The following GABRB1 variants were observed in gnomAD, a reference collection of about 807,000 sequenced individuals.
The protein encoded by GABRB1 is gamma-aminobutyric acid type A receptor subunit beta1.
GABRB1 carries 17 observed loss-of-function variants against 51.6 expected under a neutral mutation model. That is an observed-to-expected ratio of 0.33 (90% CI 0.23 to 0.49). The LOEUF (loss-of-function observed/expected upper bound fraction) is 0.49. Among genes scored for constraint, GABRB1 ranks in the 20% least tolerant of loss-of-function variants. GABRB1 has a pLI of 0.99. For synonymous variants in GABRB1, 247 were observed against 218.9 expected, an observed-to-expected ratio of 1.13 and a Z score of -1.14; for missense variants, 410 against 600.6, an observed-to-expected ratio of 0.68 and a Z score of 3.32.
chr4:47,381,503 C>T (rs1220988343), intron 5 of GABRB1, among the ~76,000 whole-genome samples: 2 of 152,158 alleles, frequency 1.3e-5, no homozygotes, highest in African/African-American at 2.4e-5. Flanking sequence ...CTCGGAAAGC[C>T]TCCCTTAGTT....
chr4:47,172,520 T>C (rs1479971032), intron 4 of GABRB1, among the ~76,000 whole-genome samples: 1 of 151,958 alleles, frequency 6.6e-6, no homozygotes, highest in African/African-American at 2.4e-5. Flanking sequence ...GCTCACTAAG[T>C]AGAGCATGCT....
intron 1 of GABRB1, among the ~76,000 whole-genome samples, chr4:47,019,574 T>TCTCTCTCTCC (rs1560497981): frequency 1.3e-5 from 2 of 150,872 alleles, no homozygotes; most frequent in African/African-American, 4.9e-5. Context: ...TCTCTCTCTC[T>TCTCTCTCTCC]CTCCCTCCTT....
chr4:47,244,806 G>GACACAACAT (rs1438722417), intron 4 of GABRB1, among the ~76,000 whole-genome samples: 1 of 152,124 alleles, frequency 6.6e-6, no homozygotes, highest in East Asian at 1.9e-4. Context: ...TGAGAACAAG[G>GACACAACAT]ACACAACATA....
intron 4 of GABRB1, among the ~76,000 whole-genome samples, chr4:47,208,815 A>G (rs1182940137): frequency 6.6e-6 from 1 of 152,062 alleles, no homozygotes; most frequent in Non-Finnish European, 1.5e-5. Flanking sequence ...TTTCTACCCT[A>G]TAGTTGGGTC....
At chr4:47,164,241 A>C (rs1227509161) in intron 4 of GABRB1, among the ~76,000 whole-genome samples, 2 of 152,046 alleles carry the variant, frequency 1.3e-5, no homozygotes, top group Non-Finnish European at 2.9e-5. Context: ...TATATCACCT[A>C]CTAAACGCAA....
chr4:47,186,738 G>C (rs1719197679), intron 4 of GABRB1, among the ~76,000 whole-genome samples: 1 of 151,844 alleles, frequency 6.6e-6, no homozygotes, highest in African/African-American at 2.4e-5. Flanking sequence ...CAACTAAAGA[G>C]GGCAGTATTA....
intron 4 of GABRB1, among the ~76,000 whole-genome samples, chr4:47,263,538 A>T (rs1383954094): frequency 6.6e-6 from 1 of 152,184 alleles, no homozygotes; most frequent in Non-Finnish European, 1.5e-5. Context: ...AAATACTGGG[A>T]TTTTTAGAGA....
intron 4 of GABRB1, among the ~76,000 whole-genome samples, chr4:47,214,030 A>G (rs1264017588): frequency 6.6e-6 from 1 of 152,108 alleles, no homozygotes; most frequent in African/African-American, 2.4e-5. Flanking sequence ...CTGGTGGATG[A>G]TGTCACATTC....
chr4:47,045,027 G>A (rs1726025016), intron 3 of GABRB1, among the ~76,000 whole-genome samples: 1 of 152,026 alleles, frequency 6.6e-6, no homozygotes, highest in Non-Finnish European at 1.5e-5. Context: ...AATAAAATGT[G>A]TTGCTTTACA....
chr4:47,145,826 A>T (rs537614393), intron 3 of GABRB1, among the ~76,000 whole-genome samples: 87 of 152,220 alleles, frequency 5.7e-4, no homozygotes, highest in African/African-American at 1.9e-3. Context: ...ACTCATTCAT[A>T]GATAACTCTT....
At chr4:47,235,289 C>T (rs1275343988) in intron 4 of GABRB1, among the ~76,000 whole-genome samples, 2 of 152,162 alleles carry the variant, frequency 1.3e-5, no homozygotes, top group Non-Finnish European at 2.9e-5. Context: ...CGGTGGATCA[C>T]GCCTATAATC....
At chr4:47,292,538 T>C (rs1222305614) in intron 4 of GABRB1, among the ~76,000 whole-genome samples, 1 of 152,224 alleles carries the variant, frequency 6.6e-6, no homozygotes, top group Non-Finnish European at 1.5e-5. Flanking sequence ...TGAAAAGAGT[T>C]TTAAACAGTA....
intron 5 of GABRB1, among the ~76,000 whole-genome samples, chr4:47,398,813 C>T (rs1214882992): frequency 6.6e-6 from 1 of 150,942 alleles, no homozygotes; most frequent in African/African-American, 2.5e-5. Flanking sequence ...GTTTTTGAGA[C>T]GGAGTCTCGC....
At chr4:47,012,758 A>T (rs1054776279) in intron 1 of GABRB1, among the ~76,000 whole-genome samples, 1 of 152,082 alleles carries the variant, frequency 6.6e-6, no homozygotes, top group Non-Finnish European at 1.5e-5. Flanking sequence ...TTTTCTAGCC[A>T]TTTTCTGTAT....
At chr4:47,078,632 T>C (rs943377297) in intron 3 of GABRB1, among the ~76,000 whole-genome samples, 1 of 152,186 alleles carries the variant, frequency 6.6e-6, no homozygotes, top group Non-Finnish European at 1.5e-5. Context: ...GAGATTACTT[T>C]GATCATCTGT....
At chr4:47,333,292 T>C (rs1052567794) in intron 5 of GABRB1, among the ~76,000 whole-genome samples, 2 of 149,000 alleles carry the variant, frequency 1.3e-5, no homozygotes, top group Admixed American at 1.3e-4. Flanking sequence ...ATAATGATGC[T>C]ATGGAAAGGG....
chr4:47,213,601 T>C (rs774370882), intron 4 of GABRB1, among the ~76,000 whole-genome samples: 68 of 152,140 alleles, frequency 4.5e-4, no homozygotes, highest in Non-Finnish European at 7.5e-4. Flanking sequence ...CTGGAAATCT[T>C]TAGTAGTATT....
upstream of GABRB1, among the ~76,000 whole-genome samples, chr4:47,027,985 C>A (rs947787436): frequency 6.6e-6 from 1 of 151,544 alleles, no homozygotes; most frequent in Admixed American, 6.6e-5. Context: ...TATACTGTCC[C>A]CAAAGTATAT....
At chr4:47,288,269 A>ATTG (rs1304521914) in intron 4 of GABRB1, among the ~76,000 whole-genome samples, 1 of 143,158 alleles carries the variant, frequency 7.0e-6, no homozygotes, top group African/African-American at 2.6e-5. Context: ...TATTATTATT[A>ATTG]TTGTTATTAT....
Sources: gnomAD v4.1 joint callset for allele counts (sites outside exome capture counted in the v4.1 genomes callset) on GRCh38, gnomAD v4.1.1 for gene constraint, MANE v1.5 for transcripts, NCBI Gene and HGNC (gene_info 2026-07-23, HGNC 2026-07-21) for gene names.